The following LRP6 variants were observed in gnomAD, a reference collection of about 807,000 sequenced individuals.
The protein encoded by LRP6 is low-density lipoprotein receptor-related protein 6.
Under a neutral mutation model 184.1 loss-of-function variants are expected in LRP6, and 43 were observed. That is an observed-to-expected ratio of 0.23 (90% CI 0.18 to 0.30). The LOEUF (loss-of-function observed/expected upper bound fraction) is 0.30. Among genes scored for constraint, LRP6 ranks in the 10% least tolerant of loss-of-function variants. The pLI is 1.00. For missense variants in LRP6, 1,571 were observed against 2,005.3 expected, an observed-to-expected ratio of 0.78 and a Z score of 4.14; for synonymous variants, 719 against 684.9, an observed-to-expected ratio of 1.05 and a Z score of -0.78.
chr12:12,144,607 C>T (rs1164511491), intron 15 of LRP6, among the ~76,000 whole-genome samples: 1 of 152,134 alleles, frequency 6.6e-6, no homozygotes, highest in Non-Finnish European at 1.5e-5. Context: ...CACCACTGTA[C>T]TCTAGCCTGG....
intron 15 of LRP6, among the ~76,000 whole-genome samples, chr12:12,141,357 A>G (rs1949932314): frequency 6.6e-6 from 1 of 152,208 alleles, no homozygotes; most frequent in Admixed American, 6.5e-5. Flanking sequence ...CAGTCACATC[A>G]AACTTCCCAA....
At chr12:12,244,154 A>C (rs565327763) in intron 2 of LRP6, 108 bp downstream of exon 2, 1 of 1,092,404 alleles carries the variant, frequency 9.2e-7, no homozygotes, top group East Asian at 2.5e-5. Context: ...AGAATCTAAA[A>C]TTCCTGTTTT....
At chr12:12,130,010 T>C (rs187877652) in intron 19 of LRP6, among the ~76,000 whole-genome samples, 37 of 152,254 alleles carry the variant, frequency 2.4e-4, no homozygotes, top group South Asian at 1.2e-3. Flanking sequence ...TGAACCAGGC[T>C]ATGTGTTTTT....
In LRP6 at chr12:12,131,695, T is replaced by G; in HGVS notation, c.3970+126A>C. ...AATAATATGGAACATGGCACTATGA[T>G]CAGAAGTGATACAGTCATATGTACT... On this transcript the variant is annotated intron_variant, in intron 18 of 22. Coordinates refer to ENST00000261349, the MANE Select transcript of LRP6 (RefSeq NM_002336.3). 8.8e-6 allele frequency: 7 copies of G among 793,078 alleles called. No homozygotes were observed. The South Asian group carries it at 9.5e-5, about 11-fold the overall frequency. The allele number at this position is 793,078 out of a possible 1,614,324, so 49.1% of individuals were successfully genotyped here.
intron 3 of LRP6, among the ~76,000 whole-genome samples, chr12:12,200,075 C>A (rs1402548923): frequency 3.4e-5 from 5 of 148,928 alleles, no homozygotes; most frequent in Admixed American, 2.0e-4. Flanking sequence ...GCTCCATAAA[C>A]CTTGGACATG....
chr12:12,195,507 T>C (rs1321929291), intron 3 of LRP6, among the ~76,000 whole-genome samples: 1 of 152,158 alleles, frequency 6.6e-6, no homozygotes. Context: ...TTTTGATACA[T>C]GTCTATTCGG....
At chr12:12,123,987 C>T (rs1949637698) in intron 22 of LRP6, among the ~76,000 whole-genome samples, 1 of 151,970 alleles carries the variant, frequency 6.6e-6, no homozygotes, top group Admixed American at 6.6e-5. Flanking sequence ...AAACCAGTCA[C>T]TTTGGTGGGT....
In LRP6 at chr12:12,165,165, T is replaced by C. The variant is rs1272826172; in HGVS notation, c.1676A>G (p.His559Arg). The C allele has an allele frequency of 2.5e-6, 4 of 1,613,986 alleles. No homozygotes were observed. Among genetic ancestry groups the C allele is most frequent in the Non-Finnish European group, 3.4e-6 (4 of 1,180,000 alleles). The change falls in exon 8 of 23, where the codon CAT becomes CGT. Residue 559 changes from histidine (H) to arginine (R), a missense_variant. Physicochemically the swap from His to Arg is conservative, Grantham distance 29. Around this residue, in one of 4 missense-constraint regions of LRP6, gnomAD observed 640 missense variants for 851.9 expected, o/e 0.75. Transcript: ENST00000261349. Reference sequence around the variant, plus strand: ...CACTTCCCTCTCTGCACTTCGTTTATGAACTCTTTCAATGCTACGCCTCTG... The same window carrying C: ...CACTTCCCTCTCTGCACTTCGTTTACGAACTCTTTCAATGCTACGCCTCTG... ...DWQRRSIERV[H>R]KRSAEREVII... is the part of the protein sequence containing the mutation.
chr12:12,221,532 G>C (rs1022660234), intron 2 of LRP6, among the ~76,000 whole-genome samples: 19 of 152,164 alleles, frequency 1.2e-4, no homozygotes, highest in African/African-American at 4.6e-4. Flanking sequence ...ACTTGAGAAT[G>C]ACCTAAGAAA....
chr12:12,143,886 C>G (rs1340598609), intron 15 of LRP6, among the ~76,000 whole-genome samples: 1 of 152,066 alleles, frequency 6.6e-6, no homozygotes, highest in Non-Finnish European at 1.5e-5. Context: ...TGGATATATA[C>G]TATGTATCTA....
intron 3 of LRP6, among the ~76,000 whole-genome samples, chr12:12,200,096 G>A (rs1863876580): frequency 6.6e-6 from 1 of 151,840 alleles, no homozygotes; most frequent in Non-Finnish European, 1.5e-5. Flanking sequence ...AGTGCATGAG[G>A]GTGATCTGCA....
At chr12:12,244,777 A>C in intron 1 of LRP6, 122 bp from the exon 2 acceptor site, 1 of 872,644 alleles carries the variant, frequency 1.1e-6, no homozygotes, top group Non-Finnish European at 1.7e-6. Flanking sequence ...GAATAAATAA[A>C]TCATTAGGAG....
At chr12:12,159,231 A>G (rs1591898598) in intron 11 of LRP6, 76 bp from the exon 12 acceptor site, 2 of 1,072,302 alleles carry the variant, frequency 1.9e-6, no homozygotes, top group South Asian at 2.8e-5. Context: ...CTTGCTGGCA[A>G]AAAGAAAAAA....
chr12:12,203,104 G>A, intron 3 of LRP6, 99 bp downstream of exon 3: 1 of 843,528 alleles, frequency 1.2e-6, no homozygotes, highest in South Asian at 1.9e-5. Flanking sequence ...CTGGCACTTA[G>A]TCAAAAATAA....
chr12:12,154,659 G>A (rs913748169), intron 12 of LRP6, among the ~76,000 whole-genome samples: 1 of 152,096 alleles, frequency 6.6e-6, no homozygotes, highest in Non-Finnish European at 1.5e-5. Flanking sequence ...GAGCCCAGGA[G>A]TTCAAGTCTA....
intron 7 of LRP6, among the ~76,000 whole-genome samples, chr12:12,171,312 C>G (rs891481358): frequency 7.9e-5 from 12 of 152,040 alleles, no homozygotes; most frequent in Non-Finnish European, 4.4e-5. Context: ...GTCAGGAGAT[C>G]AAGACCATCC....
At chr12:12,147,278 G>T in intron 15 of LRP6, 88 bp downstream of exon 15, 2 of 1,453,986 alleles carry the variant, frequency 1.4e-6, no homozygotes, top group Non-Finnish European at 9.6e-7. Flanking sequence ...CAAGAAATGT[G>T]CCAAAAACAA....
rs368025394 is a variant in LRP6 at position 12,203,902 on chromosome 12, C to T, written c.450-502G>A. ...GGTAATACCTGATTCAAACAACTAT[C>T]ATCAAGGATTCAAAAACCACTGAAT... On this transcript the variant is annotated intron_variant, in intron 2 of 22. Transcript: ENST00000261349. Among the ~76,000 whole-genome samples, 78 of 152,316 alleles carry T rather than the reference C, an allele frequency of 5.1e-4. No individual in the cohort carries two copies. In the East Asian group the frequency reaches 9.1e-3, roughly 18 times the overall value.
At chr12:12,220,340 AAC>A (rs1864455104) in intron 2 of LRP6, among the ~76,000 whole-genome samples, 1 of 152,106 alleles carries the variant, frequency 6.6e-6, no homozygotes, top group Admixed American at 6.6e-5. Flanking sequence ...GAACACTGAC[AAC>A]AGTTTTAGGA....
Sources: allele counts gnomAD v4.1 joint callset (sites outside exome capture counted in the v4.1 genomes callset), GRCh38; gene constraint gnomAD v4.1.1; regional missense constraint gnomAD v4.1.1; transcripts MANE v1.5; gene names NCBI Gene and HGNC (gene_info 2026-07-23, HGNC 2026-07-21).